Variants in MAPK10 observed in about 807,000 individuals in gnomAD.
MAPK10 encodes the protein mitogen-activated protein kinase 10, also known as JNK3 alpha protein kinase.
In MAPK10, 25 loss-of-function variants were observed where a neutral mutation model predicts 59.3. The ratio of observed to expected loss-of-function variants is 0.42; its 90% confidence interval spans 0.31 to 0.59. The LOEUF is 0.59. Ranked by LOEUF, MAPK10 falls within the 20% of genes least tolerant of loss-of-function variation. The pLI, the probability that MAPK10 is intolerant of heterozygous loss-of-function variation, is 0.15. For synonymous variants in MAPK10, 190 were observed against 200.5 expected (o/e 0.95, Z 0.44); for missense variants, 351 against 568.9 (o/e 0.62, Z 3.90).
intron 1 of MAPK10, among the ~76,000 whole-genome samples, chr4:86,530,890 A>G (rs558179644): frequency 1.3e-5 from 2 of 152,196 alleles, no homozygotes; most frequent in East Asian, 3.9e-4. Context: ...GTCTTTTTTG[A>G]ACTTGGGTGT....
intron 1 of MAPK10, among the ~76,000 whole-genome samples, chr4:86,481,093 G>C (rs903465218): frequency 2.6e-5 from 4 of 152,196 alleles, no homozygotes; most frequent in African/African-American, 9.7e-5. Flanking sequence ...GCAAGTCAGA[G>C]AATTTCTATA....
At chr4:86,494,411 A>G (rs1754706122) in intron 1 of MAPK10, among the ~76,000 whole-genome samples, 1 of 152,214 alleles carries the variant, frequency 6.6e-6, no homozygotes, top group Admixed American at 6.5e-5. Flanking sequence ...GGGCTGAGAT[A>G]AGGCAGAAGG....
chr4:86,468,184 G>A (rs977868725), intron 1 of MAPK10, among the ~76,000 whole-genome samples: 1 of 152,110 alleles, frequency 6.6e-6, no homozygotes, highest in Non-Finnish European at 1.5e-5. Context: ...ATATTGCTAC[G>A]CTTTCATCCT....
At chr4:86,066,840 A>T (rs932177289) in intron 10 of MAPK10, among the ~76,000 whole-genome samples, 1 of 151,672 alleles carries the variant, frequency 6.6e-6, no homozygotes, top group African/African-American at 2.4e-5. Flanking sequence ...ATACAAAATC[A>T]TCTTGCTAAG....
intron 4 of MAPK10, 131 bp downstream of exon 4, chr4:86,159,166 TC>T (rs999556570): frequency 5.0e-6 from 3 of 605,862 alleles, no homozygotes; most frequent in Non-Finnish European, 8.0e-6. Flanking sequence ...TATTTTTTTT[TC>T]TTCAGTAGGA....
chr4:86,192,781 GTCAAAC>G (rs1427325849), intron 3 of MAPK10: 2 of 151,866 alleles, frequency 1.3e-5, no homozygotes, highest in Non-Finnish European at 2.9e-5. Flanking sequence ...CTGTCAATTC[GTCAAAC>G]TCATTCTCCA....
At chr4:86,299,914 A>T (rs1385445871) in intron 2 of MAPK10, among the ~76,000 whole-genome samples, 1 of 151,832 alleles carries the variant, frequency 6.6e-6, no homozygotes, top group African/African-American at 2.4e-5. Context: ...TTTTTTTGAG[A>T]TAGAGTCTTG....
rs915526481 is a variant in MAPK10 at position 86,356,588 on chromosome 4, C to T, written c.-121-1944G>A. The T allele has an allele frequency of 4.2e-5, 12 of 287,546 alleles. 1 individual carries two copies. The Admixed American group carries it at 5.9e-4, about 14-fold the overall frequency. 17.8% of individuals were successfully genotyped at this position (287,546 alleles called of 1,614,324 possible). A position where few individuals can be genotyped will look rare whatever the true frequency, so the allele number is the denominator to read the frequency against. On this transcript the variant is annotated intron_variant, in intron 1 of 13. Coordinates refer to ENST00000641462, the MANE Select transcript of MAPK10 (RefSeq NM_138982.4). ...GTATTTTCCCCTTCTTTGCCTTGAT[C>T]GGTTCATGAGGATAAAATGTACTCA...
At chr4:86,401,544 T>A (rs1743732368) in intron 1 of MAPK10, among the ~76,000 whole-genome samples, 1 of 152,194 alleles carries the variant, frequency 6.6e-6, no homozygotes, top group Admixed American at 6.6e-5. Context: ...AAGCTTTACT[T>A]CCCATTAGGA....
chr4:86,415,797 C>T (rs2149030004), intron 1 of MAPK10, among the ~76,000 whole-genome samples: 1 of 152,248 alleles, frequency 6.6e-6, no homozygotes, highest in South Asian at 2.1e-4. Context: ...AACCTAATGT[C>T]AGAATCTTAT....
chr4:86,112,381 T>C (rs1580455219), intron 4 of MAPK10, among the ~76,000 whole-genome samples: 1 of 152,304 alleles, frequency 6.6e-6, no homozygotes, highest in East Asian at 1.9e-4. Flanking sequence ...TGACACTGCT[T>C]TAGCTGCATC....
At chr4:86,351,559 A>T (rs1731499705) in intron 2 of MAPK10, among the ~76,000 whole-genome samples, 1 of 152,018 alleles carries the variant, frequency 6.6e-6, no homozygotes, top group Non-Finnish European at 1.5e-5. Context: ...CCTACTAGCA[A>T]TTCTTTGGTT....
intron 4 of MAPK10, among the ~76,000 whole-genome samples, chr4:86,143,214 CG>C (rs1392845651): frequency 2.0e-5 from 3 of 152,066 alleles, no homozygotes; most frequent in Non-Finnish European, 4.4e-5. Flanking sequence ...AAGAACAGCA[CG>C]GGGGAAAATG....
intron 2 of MAPK10, among the ~76,000 whole-genome samples, chr4:86,224,317 G>A (rs1017723857): frequency 6.6e-6 from 1 of 152,166 alleles, no homozygotes; most frequent in African/African-American, 2.4e-5. Context: ...GGGAAGAAAA[G>A]TATGTTAATA....
chr4:86,182,396 A>G (rs2077113375), intron 3 of MAPK10, among the ~76,000 whole-genome samples: 1 of 152,160 alleles, frequency 6.6e-6, no homozygotes, highest in African/African-American at 2.4e-5. Flanking sequence ...TAGAAATATG[A>G]CATAATTGAA....
intron 1 of MAPK10, among the ~76,000 whole-genome samples, chr4:86,475,975 T>C (rs1342476550): frequency 6.6e-6 from 1 of 152,118 alleles, no homozygotes. Context: ...TGGTTCCAAA[T>C]AGCCAGAAAA....
chr4:86,165,333 T>C (rs559709726), intron 3 of MAPK10, among the ~76,000 whole-genome samples: 1 of 152,226 alleles, frequency 6.6e-6, no homozygotes, highest in South Asian at 2.1e-4. Context: ...GGCATGTGCT[T>C]AATCTATTTT....
intron 13 of MAPK10, among the ~76,000 whole-genome samples, chr4:86,023,488 T>C (rs554136407): frequency 1.4e-4 from 21 of 152,302 alleles, no homozygotes; most frequent in Admixed American, 1.2e-3. Flanking sequence ...ATGATTTTGA[T>C]AAGTATTGGC....
At chr4:86,575,586 T>C (rs1396385257) in intron 1 of MAPK10, among the ~76,000 whole-genome samples, 1 of 152,008 alleles carries the variant, frequency 6.6e-6, no homozygotes, top group African/African-American at 2.4e-5. Flanking sequence ...ATTTTTCTTT[T>C]TTTGAATCTT....
Sources: gnomAD v4.1 joint callset for allele counts (sites outside exome capture counted in the v4.1 genomes callset) on GRCh38, gnomAD v4.1.1 for gene constraint, MANE v1.5 for transcripts, NCBI Gene and HGNC (gene_info 2026-07-23, HGNC 2026-07-21) for gene names.